The following SPTBN1 variants were observed in gnomAD, a reference collection of about 807,000 sequenced individuals.
The protein encoded by SPTBN1 is spectrin beta chain, non-erythrocytic 1.
A neutral mutation model predicts 266.4 loss-of-function variants in SPTBN1; 32 were observed. That is an observed-to-expected ratio of 0.12 (90% confidence interval 0.09 to 0.16). The LOEUF (loss-of-function observed/expected upper bound fraction) is 0.16. Ranked by LOEUF, SPTBN1 falls within the 10% of genes least tolerant of loss-of-function variation. The pLI is 1.00. For synonymous variants in SPTBN1, 1,336 were observed against 1,162.2 expected (o/e 1.15, Z -3.04); for missense variants, 2,296 against 3,067.1 (o/e 0.75, Z 5.94).
chr2:54,594,082 C>T (rs1453987207), intron 2 of SPTBN1, among the ~76,000 whole-genome samples: 12 of 152,052 alleles, frequency 7.9e-5, no homozygotes, highest in South Asian at 2.1e-4. Flanking sequence ...CCGCCCACCT[C>T]GGCCTCCCAA....
intron 32 of SPTBN1, chr2:54,661,164 A>G: frequency 2.0e-6 from 2 of 985,494 alleles, no homozygotes; most frequent in Non-Finnish European, 2.4e-6. Flanking sequence ...ATTCTCTGAT[A>G]AAGGAAGCTT....
At chr2:54,650,551 GA>G (rs1378212338) in intron 26 of SPTBN1, among the ~76,000 whole-genome samples, 1 of 152,062 alleles carries the variant, frequency 6.6e-6, no homozygotes, top group Non-Finnish European at 1.5e-5. Flanking sequence ...CCTTTTAGTT[GA>G]AAAACAAATT....
rs1460752685 is a variant in SPTBN1, at chr2:54,558,821, C to G, written c.148+32255C>G. ...GTCTAGTATCTCCGGGCCGCTGTCG[C>G]CGGCGTACACGGGGCAGGTGCCTTA... On this transcript the variant is annotated intron_variant, in intron 2 of 35. Coordinates refer to ENST00000356805, the MANE Select transcript of SPTBN1 (RefSeq NM_003128.3). This position sits in a 1 kb window ranked among gnomAD's most constrained non-coding sequence, Gnocchi z 4.6. The G allele has an allele frequency of 1.2e-6, 2 of 1,613,776 alleles. No individual in the cohort carries two copies. Among genetic ancestry groups the G allele is most frequent in the Non-Finnish European group, 1.7e-6 (2 of 1,179,858 alleles).
At chr2:54,479,562 A>G (rs1668001873) in intron 1 of SPTBN1, among the ~76,000 whole-genome samples, 1 of 152,214 alleles carries the variant, frequency 6.6e-6, no homozygotes, top group Non-Finnish European at 1.5e-5. Context: ...CCAGTACAGC[A>G]GGCATAAACT....
intron 32 of SPTBN1, chr2:54,661,247 A>G (rs1225254901): frequency 1.0e-6 from 1 of 985,908 alleles, no homozygotes; most frequent in African/African-American, 1.7e-5. Flanking sequence ...CTTAGAAATA[A>G]AAGCTGGTGA....
At chr2:54,549,935 C>T (rs576187266) in intron 2 of SPTBN1, among the ~76,000 whole-genome samples, 1 of 152,310 alleles carries the variant, frequency 6.6e-6, no homozygotes, top group Non-Finnish European at 1.5e-5. Context: ...TTGTGTTGGG[C>T]ACAGTATCTG....
At chr2:54,551,272 C>A (rs2104432446) in intron 2 of SPTBN1, among the ~76,000 whole-genome samples, 1 of 152,318 alleles carries the variant, frequency 6.6e-6, no homozygotes, top group African/African-American at 2.4e-5. Context: ...GAACTCTGGG[C>A]AAGAGCAGGC....
chr2:54,541,426 G>C (rs934965865), intron 2 of SPTBN1, among the ~76,000 whole-genome samples: 1 of 152,260 alleles, frequency 6.6e-6, no homozygotes, highest in African/African-American at 2.4e-5. Context: ...GGATGGAGAA[G>C]AGGCGAGGCT....
intron 1 of SPTBN1, among the ~76,000 whole-genome samples, chr2:54,521,632 G>A (rs754564635): frequency 1.6e-4 from 24 of 152,064 alleles, no homozygotes; most frequent in Non-Finnish European, 3.4e-4. Flanking sequence ...TCCCACCTCA[G>A]CCTCCCAAGT....
chr2:54,631,776 A>C (rs894533390), intron 16 of SPTBN1, among the ~76,000 whole-genome samples, 165 bp downstream of exon 16: 3 of 152,200 alleles, frequency 2.0e-5, no homozygotes, highest in Non-Finnish European at 2.9e-5. Flanking sequence ...ATTGAAATCC[A>C]TCACGTTGTA....
chr2:54,611,468 C>G (rs1000893935), intron 3 of SPTBN1, among the ~76,000 whole-genome samples: 18 of 144,152 alleles, frequency 1.2e-4, no homozygotes, highest in African/African-American at 1.2e-4. Flanking sequence ...ATTATCTACT[C>G]TCTCTCTATA....
chr2:54,467,616 C>G (rs909019119), intron 1 of SPTBN1, among the ~76,000 whole-genome samples: 5 of 152,174 alleles, frequency 3.3e-5, no homozygotes, highest in African/African-American at 1.2e-4. Context: ...AACTCCTGAC[C>G]TCAAGTGATC....
At chr2:54,661,357 T>A in intron 32 of SPTBN1, 1 of 985,840 alleles carries the variant, frequency 1.0e-6, no homozygotes, top group Non-Finnish European at 1.2e-6. Flanking sequence ...TATTTAGATG[T>A]GTCAGTGGAA....
intron 1 of SPTBN1, among the ~76,000 whole-genome samples, chr2:54,478,863 G>C (rs1667971603): frequency 6.6e-6 from 1 of 151,854 alleles, no homozygotes; most frequent in Admixed American, 6.6e-5. Context: ...CAATACCAGA[G>C]ATAAAAAAAG....
intron 26 of SPTBN1, chr2:54,652,672 A>G (rs1680374826): frequency 6.6e-6 from 1 of 152,226 alleles, no homozygotes; most frequent in Non-Finnish European, 1.5e-5. Context: ...TACCTTCTGT[A>G]GGAGCTGTAG....
chr2:54,627,217 T>A (rs943866169), intron 12 of SPTBN1, among the ~76,000 whole-genome samples: 8 of 152,198 alleles, frequency 5.3e-5, no homozygotes, highest in African/African-American at 1.9e-4. Context: ...TACAGTGTTC[T>A]TAGGTCTGGT....
At chr2:54,560,472 G>T (rs1441241822) in intron 2 of SPTBN1, among the ~76,000 whole-genome samples, 3 of 152,136 alleles carry the variant, frequency 2.0e-5, no homozygotes, top group African/African-American at 7.2e-5. Context: ...GGCTGAGGAA[G>T]GTTTTAAAAC....
chr2:54,605,880 T>C (rs966331302), intron 3 of SPTBN1, among the ~76,000 whole-genome samples: 2 of 152,206 alleles, frequency 1.3e-5, no homozygotes, highest in East Asian at 1.9e-4. Context: ...GAATGAACCA[T>C]CCCTTAGTTC....
chr2:54,598,035 G>T (rs913730560), intron 2 of SPTBN1, among the ~76,000 whole-genome samples: 2 of 152,120 alleles, frequency 1.3e-5, no homozygotes, highest in Non-Finnish European at 2.9e-5. Flanking sequence ...GTTGGGTCCA[G>T]GGTACGTTCT....
Sources: gnomAD v4.1 joint callset for allele counts (sites outside exome capture counted in the v4.1 genomes callset) on GRCh38, gnomAD v4.1.1 for gene constraint, Gnocchi (gnomAD v3.1) non-coding constraint, MANE v1.5 for transcripts, NCBI Gene and HGNC (gene_info 2026-07-23, HGNC 2026-07-21) for gene names.